AOX1: variants seen among roughly 807,000 people sequenced by gnomAD.
AOX1 encodes the protein aldehyde oxidase.
A neutral mutation model predicts 169.5 loss-of-function variants in AOX1; 153 were observed. That is an observed-to-expected ratio of 0.90 (90% CI 0.79 to 1.03). The LOEUF is 1.03. Among genes scored for constraint, AOX1 ranks in the 50% least tolerant of loss-of-function variants. The pLI, the probability that AOX1 is intolerant of heterozygous loss-of-function variation, is 0.00. For synonymous variants in AOX1, 562 were observed against 581.9 expected (o/e 0.97, Z 0.49); for missense variants, 1,656 against 1,663.9 (o/e 1.00, Z 0.08).
intron 1 of AOX1, among the ~76,000 whole-genome samples, chr2:200,588,463 G>A (rs2034085629): frequency 6.6e-6 from 1 of 152,050 alleles, no homozygotes; most frequent in Admixed American, 6.5e-5. Flanking sequence ...TAACATAATG[G>A]CCAACAAGTT....
At chr2:200,664,265 C>G (rs1419201928) in intron 31 of AOX1, among the ~76,000 whole-genome samples, 2 of 152,168 alleles carry the variant, frequency 1.3e-5, no homozygotes, top group African/African-American at 4.8e-5. Context: ...GCTGGGATTA[C>G]AGGCTGCGCC....
chr2:200,652,605 A>G (rs2035601364), intron 26 of AOX1, among the ~76,000 whole-genome samples: 1 of 152,182 alleles, frequency 6.6e-6, no homozygotes, highest in Non-Finnish European at 1.5e-5. Flanking sequence ...TCATCAGGAA[A>G]AACAGCCTCC....
At position 200,657,654 on chromosome 2, in the gene AOX1, C is replaced by T. The variant is rs577127698; in HGVS notation, c.3171+717C>T. 1.2e-3 allele frequency among the ~76,000 whole-genome samples: 189 copies of T among 152,102 alleles called. 3 individuals carry two copies. Among genetic ancestry groups the T allele is most frequent in the East Asian group, 5.2e-3 (27 of 5,176 alleles). On this transcript the variant is annotated intron_variant, in intron 27 of 34. Coordinates refer to ENST00000374700, the MANE Select transcript of AOX1 (RefSeq NM_001159.4). ...CTTGCCCTTTTTGTATTACAGGCTC[C>T]GAACAATTGCTAATATAAATCACCT...
intron 4 of AOX1, among the ~76,000 whole-genome samples, chr2:200,676,642 G>T (rs1454453676): frequency 6.6e-6 from 1 of 151,240 alleles, no homozygotes; most frequent in Non-Finnish European, 1.5e-5. Context: ...GAAGAAGATA[G>T]CTTATTCCAG....
At chr2:200,675,781 T>C (rs1208813346), downstream of AOX1, among the ~76,000 whole-genome samples, 1 of 152,082 alleles carries the variant, frequency 6.6e-6, no homozygotes, top group Admixed American at 6.5e-5. Flanking sequence ...TTAAGCACTT[T>C]ACTTCACAAC....
At position 200,657,190 on chromosome 2, in the gene AOX1, A is replaced by ATTTTTTTTTTT. The variant is rs5837752; in HGVS notation, c.3171+258_3171+268dup. 5.4e-4 allele frequency among the ~76,000 whole-genome samples: 34 copies of ATTTTTTTTTTT among 62,876 alleles called. 1 individual carries two copies. The highest frequency in any genetic ancestry group is 2.7e-3 in the African/African-American group (34 of 12,636). 41.2% of individuals were successfully genotyped at this position (62,876 alleles called of 152,430 possible). On this transcript the variant is annotated intron_variant, in intron 27 of 34. Coordinates refer to ENST00000374700, the MANE Select transcript of AOX1 (RefSeq NM_001159.4). Reference sequence around the variant, plus strand: ...AATATATATATATATATATATATATATTTTTTTTTTTTTTTAATTAGCAGG... The same window carrying ATTTTTTTTTTT: ...AATATATATATATATATATATATATATTTTTTTTTTTTTTTTTTTTTTTTTTAATTAGCAGG...
intron 33 of AOX1, 43 bp from the exon 34 acceptor site, chr2:200,669,528 AGAGT>A (rs756725445): frequency 6.9e-6 from 11 of 1,594,602 alleles, no homozygotes; most frequent in Middle Eastern, 1.7e-4. Context: ...ACATATATAC[AGAGT>A]GAGAGAGAGA....
chr2:200,655,925 T>A (rs899694398), intron 26 of AOX1, among the ~76,000 whole-genome samples: 3 of 152,216 alleles, frequency 2.0e-5, no homozygotes, highest in African/African-American at 7.2e-5. Context: ...AGTGAGCAAC[T>A]AAGGCTTAGG....
At chr2:200,607,643 T>C (rs2034543041) in intron 10 of AOX1, among the ~76,000 whole-genome samples, 2 of 152,186 alleles carry the variant, frequency 1.3e-5, no homozygotes, top group Admixed American at 1.3e-4. Flanking sequence ...TTATAAATCA[T>C]TCCACTATAA....
chr2:200,654,299 C>G (rs1413154583), intron 26 of AOX1, among the ~76,000 whole-genome samples: 1 of 151,620 alleles, frequency 6.6e-6, no homozygotes, highest in Non-Finnish European at 1.5e-5. Flanking sequence ...TAGTCAGCAG[C>G]CATCAACATT....
chr2:200,662,760 C>T (rs911772127), intron 30 of AOX1, 95 bp from the exon 31 acceptor site: 15 of 902,088 alleles, frequency 1.7e-5, no homozygotes, highest in Non-Finnish European at 2.8e-5. Context: ...CAGGTATATT[C>T]CTGTGGCTTG....
At position 200,662,852 on chromosome 2, in the gene AOX1, C is replaced by T; in HGVS notation, c.3429-3C>T. On this transcript the variant is annotated splice_polypyrimidine_tract_variant and splice_region_variant and intron_variant, in intron 30 of 34. Coordinates refer to ENST00000374700, the MANE Select transcript of AOX1 (RefSeq NM_001159.4). ...ACTTAACAACACTCACTGTTTCTTC[C>T]AGAGGTTATGAGTCAGACATGAACT... The T allele has an allele frequency of 1.2e-6, 2 of 1,612,798 alleles. No individual in the cohort carries two copies. The highest frequency in any genetic ancestry group is 1.7e-6 in the Non-Finnish European group (2 of 1,178,854).
chr2:200,618,228 A>T (rs1179594651), intron 16 of AOX1, among the ~76,000 whole-genome samples: 1 of 152,232 alleles, frequency 6.6e-6, no homozygotes, highest in Admixed American at 6.5e-5. Context: ...ACTCAACAAT[A>T]ACTGAAAATG....
Position 200,627,421 on chromosome 2 carries a change from A to T in AOX1, c.2193A>T (p.Ala731=), listed in dbSNP as rs769919337. The T allele has an allele frequency of 1.9e-6, 3 of 1,613,780 alleles. No individual in the cohort carries two copies. Among genetic ancestry groups the T allele is most frequent in the Non-Finnish European group, 2.5e-6 (3 of 1,179,678 alleles). ...RKLEYGNVDE[A]FKVVDQILEG... ...TGGAATATGGAAATGTTGACGAAGC[A>T]TTTAAAGTGGTTGATCAAATTCTTG... Residue 731 remains alanine, a synonymous_variant, in exon 20 of 35, where the codon GCA becomes GCT. Coordinates refer to ENST00000374700, the MANE Select transcript of AOX1 (RefSeq NM_001159.4).
chr2:200,621,282 T>TTC (rs767463810), intron 18 of AOX1, 36 bp downstream of exon 18: 1 of 1,606,634 alleles, frequency 6.2e-7, no homozygotes, highest in Non-Finnish European at 8.5e-7. Context: ...AAAAATAACT[T>TTC]TCTCAGTTAA....
intron 28 of AOX1, 146 bp downstream of exon 28, chr2:200,659,439 G>T: frequency 2.4e-6 from 2 of 826,976 alleles, no homozygotes. Flanking sequence ...GCACCCAGTG[G>T]TTCTCCTGTG....
At chr2:200,604,890 TG>T in intron 9 of AOX1, 50 bp downstream of exon 9, 1 of 870,420 alleles carries the variant, frequency 1.1e-6, no homozygotes, top group Non-Finnish European at 1.8e-6. Context: ...AAAAAGGGCT[TG>T]GGATGGGGCC....
intron 21 of AOX1, 29 bp downstream of exon 21, chr2:200,634,944 T>C (rs1247286017): frequency 1.2e-6 from 2 of 1,607,092 alleles, no homozygotes; most frequent in Non-Finnish European, 1.7e-6. Flanking sequence ...GGAGAGGACA[T>C]GGCTAAATGA....
intron 25 of AOX1, among the ~76,000 whole-genome samples, chr2:200,650,676 G>A (rs903840553): frequency 2.6e-5 from 4 of 152,224 alleles, no homozygotes; most frequent in African/African-American, 9.6e-5. Context: ...AGAATTAAGA[G>A]TCTACAGTGT....
Sources: allele counts gnomAD v4.1 joint callset (sites outside exome capture counted in the v4.1 genomes callset), GRCh38; gene constraint gnomAD v4.1.1; transcripts MANE v1.5; gene names NCBI Gene and HGNC (gene_info 2026-07-23, HGNC 2026-07-21).